The following FRYL variants were observed in gnomAD, a reference collection of about 807,000 sequenced individuals.
The protein encoded by FRYL is FRY like transcription coactivator, also known as protein furry homolog-like.
A neutral mutation model predicts 351.2 loss-of-function variants in FRYL; 150 were observed. The observed-to-expected ratio is 0.43, with a 90% CI of 0.37 to 0.49. The LOEUF is 0.49. Ranked by LOEUF, FRYL falls within the 20% of genes least tolerant of loss-of-function variation. The probability of loss-of-function intolerance (pLI) is 0.00; values close to 1 mark genes in which losing one functional copy is unlikely to be tolerated. For synonymous variants in FRYL, 1,153 were observed against 1,257.1 expected (o/e 0.92, Z 1.75); for missense variants, 3,036 against 3,619.3 (o/e 0.84, Z 4.13).
chr4:48,720,591 C>A (rs1469178827), intron 1 of FRYL, among the ~76,000 whole-genome samples: 1 of 152,178 alleles, frequency 6.6e-6, no homozygotes, highest in African/African-American at 2.4e-5. Flanking sequence ...CCACCATCCA[C>A]CTCCAGAACT....
chr4:48,516,021 G>C (rs1203467343), intron 55 of FRYL, among the ~76,000 whole-genome samples: 1 of 152,136 alleles, frequency 6.6e-6, no homozygotes, highest in Admixed American at 6.6e-5. Flanking sequence ...CACACAGCAG[G>C]AGTAGGTACT....
chr4:48,674,723 C>T lies in FRYL; in HGVS notation c.-81+9950G>A, dbSNP rs1409355911. The stretch of plus-strand genomic sequence containing the variant: ...CTGCACTCCAGCCAGGGCGACAGAG[C>T]AAGACTCTGTCTCAAAAAAAAAAAA... On this transcript the variant is annotated intron_variant, in intron 3 of 63. Coordinates refer to ENST00000358350, the MANE Select transcript of FRYL (RefSeq NM_015030.2). Among the ~76,000 whole-genome samples, 30 of 91,984 alleles carry T rather than the reference C, an allele frequency of 3.3e-4. 1 individual carries two copies. In the Admixed American group the frequency reaches 4.3e-3, roughly 13 times the overall value. 60.3% of individuals were successfully genotyped at this position (91,984 alleles called of 152,430 possible).
chr4:48,680,794 T>C (rs1764495835), intron 3 of FRYL: 1 of 253,674 alleles, frequency 3.9e-6, no homozygotes, highest in Non-Finnish European at 7.2e-6. Context: ...GCCAACTATA[T>C]ACTTCATTAA....
intron 15 of FRYL, among the ~76,000 whole-genome samples, chr4:48,594,944 A>G (rs1355218993): frequency 8.6e-6 from 1 of 115,638 alleles, no homozygotes; most frequent in Non-Finnish European, 1.9e-5. Flanking sequence ...CCAGGATCCC[A>G]TTTAACAAAA....
intron 4 of FRYL, 99 bp from the exon 5 acceptor site, chr4:48,623,278 GGTTTTGCTC>G (rs1319582284): frequency 4.2e-6 from 3 of 720,130 alleles, no homozygotes; most frequent in African/African-American, 1.9e-5. Flanking sequence ...TTGTGCGTTT[GGTTTTGCTC>G]GTTTTCACTT....
In FRYL at chr4:48,718,858, A is replaced by C. The variant is rs60696356; in HGVS notation, c.-383-8160T>G. ...CATTATGCTCCCCCAACACACAAAAAAAGTATTACTTACACTCATGCTCCA... is the reference window on the plus strand; with the variant it reads ...CATTATGCTCCCCCAACACACAAAACAAGTATTACTTACACTCATGCTCCA... On this transcript the variant is annotated intron_variant, in intron 1 of 63. Coordinates refer to ENST00000358350, the MANE Select transcript of FRYL (RefSeq NM_015030.2). Among the ~76,000 whole-genome samples the C allele has an allele frequency of 4.7e-3, 710 of 151,440 alleles. 12 individuals are homozygous for C. Among genetic ancestry groups the C allele is most frequent in the African/African-American group, 0.016 (671 of 41,380 alleles).
chr4:48,732,830 C>T (rs1458712625), intron 1 of FRYL, among the ~76,000 whole-genome samples: 3 of 150,940 alleles, frequency 2.0e-5, no homozygotes, highest in East Asian at 1.9e-4. Flanking sequence ...ATGTAGGTGA[C>T]GGGTTGATGT....
Position 48,549,498 on chromosome 4 carries a change from A to C in FRYL, c.4759T>G (p.Ser1587Ala). ...SPLVDYVPET[S>A]SPGLPLHRCN... ...CTGTGAAGAGGTAATCCAGGTGATG[A>C]CGTTTCAGGCACGTAATCCACCAGT... is the stretch of plus-strand genomic sequence containing the variant. The change falls in exon 39 of 64, where the codon TCA (serine) becomes GCA (alanine). Residue 1587 changes from serine to alanine, a missense_variant. Around this residue, in one of 7 missense-constraint regions of FRYL, gnomAD observed 1,987 missense variants for 2,311.7 expected, o/e 0.86. Coordinates refer to ENST00000358350, the MANE Select transcript of FRYL (RefSeq NM_015030.2). This position sits in a 1 kb window ranked among gnomAD's most constrained non-coding sequence, Gnocchi z 4.2. The C allele has an allele frequency of 6.2e-7, 1 of 1,612,670 alleles. No homozygotes were observed. The highest frequency in any genetic ancestry group is 8.5e-7 in the Non-Finnish European group (1 of 1,179,252).
At chr4:48,776,239 C>T (rs548555460) in intron 1 of FRYL, among the ~76,000 whole-genome samples, 11 of 151,806 alleles carry the variant, frequency 7.2e-5, no homozygotes, top group African/African-American at 2.7e-4. Flanking sequence ...CTTCCCGCCT[C>T]AGCCTCCCAA....
chr4:48,749,689 C>T (rs1773052596), intron 1 of FRYL, among the ~76,000 whole-genome samples: 1 of 152,196 alleles, frequency 6.6e-6, no homozygotes, highest in Non-Finnish European at 1.5e-5. Flanking sequence ...TGGCTGTTCT[C>T]TTTGTGGACT....
chr4:48,553,306 C>CAGAGTG lies in FRYL; in HGVS notation c.4343_4344insCACTCT (p.Leu1448_Thr1449dup), dbSNP rs1320239277. On this transcript the variant is annotated inframe_insertion, in exon 36 of 64. Coordinates refer to ENST00000358350, the MANE Select transcript of FRYL (RefSeq NM_015030.2). ...TGACCCCTGAACTGACAGGATCGGT[C>CAGAGTG]AGCTGAAGCTCACTCACCAGCTCTT... The CAGAGTG allele has an allele frequency of 6.2e-7, 1 of 1,612,664 alleles. No individual in the cohort carries two copies. The highest frequency in any genetic ancestry group is 1.7e-5 in the Admixed American group (1 of 60,008).
At position 48,515,217 on chromosome 4, in the gene FRYL, T is replaced by C. The variant is rs561249721; in HGVS notation, c.7748A>G (p.Tyr2583Cys). ...HVTTFEDEGSYIIQEQQESLV... is the reference protein window; with the variant it reads ...HVTTFEDEGSCIIQEQQESLV... ...AGATTCCTGCTGTTCTTGAATTATA[T>C]AGGATCCTTCATCTTCAAAGGTTGT... The change falls in exon 56 of 64, where the codon TAT becomes TGT. Residue 2583 changes from tyrosine (Y) to cysteine (C), a missense_variant. By Grantham distance (194) the Tyr-to-Cys change is radical. This residue lies in a region of FRYL where 1,987 missense variants were observed against 2,311.7 expected (regional missense o/e 0.86). Transcript: ENST00000358350. The C allele has an allele frequency of 1.5e-5, 24 of 1,612,178 alleles. No homozygotes were observed. Among genetic ancestry groups the C allele is most frequent in the East Asian group, 4.5e-5 (2 of 44,876 alleles).
At chr4:48,546,763 G>A (rs1171575741) in intron 41 of FRYL, 1 of 153,618 alleles carries the variant, frequency 6.5e-6, no homozygotes, top group Non-Finnish European at 1.4e-5. Flanking sequence ...AAATTGGTAA[G>A]AGAAGCCTTA....
intron 3 of FRYL, chr4:48,680,931 T>C: frequency 8.3e-7 from 1 of 1,202,218 alleles, no homozygotes; most frequent in Admixed American, 3.1e-5. Flanking sequence ...TTACTTTACC[T>C]AGTTGTTGGT....
At chr4:48,579,667 T>C (rs1225130659) in intron 22 of FRYL, among the ~76,000 whole-genome samples, 3 of 152,206 alleles carry the variant, frequency 2.0e-5, no homozygotes, top group African/African-American at 7.2e-5. Context: ...TCTTAAATAC[T>C]TGTTCAATAT....
intron 3 of FRYL, among the ~76,000 whole-genome samples, chr4:48,683,632 T>C (rs187893248): frequency 6.6e-5 from 10 of 152,128 alleles, no homozygotes; most frequent in African/African-American, 1.9e-4. Context: ...AGAACTCCCA[T>C]AGGAAAAAAA....
chr4:48,666,248 T>C (rs1255512281), intron 3 of FRYL, among the ~76,000 whole-genome samples: 19 of 152,030 alleles, frequency 1.2e-4, no homozygotes, highest in Non-Finnish European at 2.8e-4. Flanking sequence ...ACACCTGTAA[T>C]CCCAGCTACT....
At chr4:48,637,491 C>A (rs1383445700) in intron 3 of FRYL, 1 of 151,900 alleles carries the variant, frequency 6.6e-6, no homozygotes, top group East Asian at 1.9e-4. Context: ...TACATGCTAA[C>A]CCAAAATTTT....
At chr4:48,749,306 G>A (rs1289915972) in intron 1 of FRYL, among the ~76,000 whole-genome samples, 6 of 152,230 alleles carry the variant, frequency 3.9e-5, no homozygotes, top group Non-Finnish European at 5.9e-5. Context: ...CTTTCAGCAT[G>A]AGAAATTGGG....
Sources: allele counts gnomAD v4.1 joint callset (sites outside exome capture counted in the v4.1 genomes callset), GRCh38; gene constraint gnomAD v4.1.1; regional missense constraint gnomAD v4.1.1; non-coding constraint Gnocchi (gnomAD v3.1); transcripts MANE v1.5; gene names NCBI Gene and HGNC (gene_info 2026-07-23, HGNC 2026-07-21).